CDRT4: variants seen among roughly 807,000 people sequenced by gnomAD.
The protein encoded by CDRT4 is CMT1A duplicated region transcript 4 protein.
For synonymous variants in CDRT4, 64 were observed against 69.6 expected, an observed-to-expected ratio of 0.92 and a Z score of 0.40; for missense variants, 167 against 193.1, an observed-to-expected ratio of 0.87 and a Z score of 0.80.
At chr17:15,446,540 C>T (rs1979035715) in intron 2 of CDRT4, among the ~76,000 whole-genome samples, 1 of 152,112 alleles carries the variant, frequency 6.6e-6, no homozygotes, top group African/African-American at 2.4e-5. Flanking sequence ...ACACGTCTTC[C>T]TCTCTAGCGC....
At chr17:15,443,358 C>T in intron 2 of CDRT4, among the ~76,000 whole-genome samples, 1 of 151,382 alleles carries the variant, frequency 6.6e-6, no homozygotes, top group East Asian at 1.9e-4. Context: ...TAGCTCACCG[C>T]AGCCTTGAAC....
At chr17:15,447,943 G>A (rs2150790052) in intron 2 of CDRT4, among the ~76,000 whole-genome samples, 1 of 152,262 alleles carries the variant, frequency 6.6e-6, no homozygotes, top group Non-Finnish European at 1.5e-5. Flanking sequence ...AAGCAAACAT[G>A]AAAGGCTTTA....
At chr17:15,457,263 T>A (rs1484453421) in intron 1 of CDRT4, among the ~76,000 whole-genome samples, 1 of 152,230 alleles carries the variant, frequency 6.6e-6, no homozygotes, top group Non-Finnish European at 1.5e-5. Context: ...GCCCGACTTC[T>A]GGGTTTGTAC....
intron 1 of CDRT4, among the ~76,000 whole-genome samples, chr17:15,465,130 CAG>C (rs1979951466): frequency 9.4e-6 from 1 of 105,952 alleles, no homozygotes; most frequent in Non-Finnish European, 1.7e-5. Context: ...CACCAACACA[CAG>C]ATACAAACAC....
At chr17:15,463,272 C>A (rs898486823) in intron 1 of CDRT4, among the ~76,000 whole-genome samples, 1 of 151,924 alleles carries the variant, frequency 6.6e-6, no homozygotes, top group Non-Finnish European at 1.5e-5. Context: ...GGGTGGAGAA[C>A]GCAAAGCCTG....
At chr17:15,454,094 G>A (rs150657546) in intron 1 of CDRT4, among the ~76,000 whole-genome samples, 5 of 152,280 alleles carry the variant, frequency 3.3e-5, no homozygotes, top group South Asian at 4.2e-4. Flanking sequence ...GAGTCACTAC[G>A]TTGAAGATCA....
chr17:15,442,232 G>A (rs989892946), intron 2 of CDRT4, among the ~76,000 whole-genome samples: 1 of 152,042 alleles, frequency 6.6e-6, no homozygotes, highest in Admixed American at 6.6e-5. Context: ...CTAACATGGT[G>A]AAACCCTGTC....
At position 15,437,768 on chromosome 17, in the gene CDRT4, G is replaced by A; in HGVS notation, c.*5C>T. ...CTAAAACATTTGCATGTTTCTCCTTGTTGGTCAGTAGCGAACTGTAGGGAG... is the reference window on the plus strand; with the variant it reads ...CTAAAACATTTGCATGTTTCTCCTTATTGGTCAGTAGCGAACTGTAGGGAG... On this transcript the variant is annotated 3_prime_UTR_variant, in exon 4 of 4. Transcript: ENST00000619038. The A allele has an allele frequency of 6.2e-7, 1 of 1,609,744 alleles. No homozygotes were observed. Among genetic ancestry groups the A allele is most frequent in the Non-Finnish European group, 8.5e-7 (1 of 1,176,386 alleles).
intron 1 of CDRT4, among the ~76,000 whole-genome samples, chr17:15,465,798 G>C (rs1392938930): frequency 6.6e-6 from 1 of 152,236 alleles, no homozygotes; most frequent in African/African-American, 2.4e-5. Context: ...TGTGGTCAGG[G>C]AAGAGGGGGA....
chr17:15,442,533 C>T (rs1978815067), intron 2 of CDRT4, among the ~76,000 whole-genome samples: 1 of 152,112 alleles, frequency 6.6e-6, no homozygotes, highest in Admixed American at 6.6e-5. Flanking sequence ...TCATTCCTTT[C>T]ATCATTGCTT....
intron 3 of CDRT4, 33 bp downstream of exon 3, chr17:15,440,175 A>T (rs1174103229): frequency 6.2e-7 from 1 of 1,612,476 alleles, no homozygotes; most frequent in Non-Finnish European, 8.5e-7. Flanking sequence ...GCCCCAGTGC[A>T]GGAGCTTCCA....
chr17:15,440,581 G>A (rs2059988444), intron 2 of CDRT4, among the ~76,000 whole-genome samples: 2 of 152,054 alleles, frequency 1.3e-5, no homozygotes. Flanking sequence ...TGGGGGCTGT[G>A]TGGAGGCTGG....
At chr17:15,446,483 G>A (rs1382452446) in intron 2 of CDRT4, among the ~76,000 whole-genome samples, 4 of 151,968 alleles carry the variant, frequency 2.6e-5, no homozygotes, top group East Asian at 3.8e-4. Flanking sequence ...TTGGTCTTTC[G>A]GGAAAGAAGG....
At chr17:15,439,281 A>C in intron 3 of CDRT4, 1 of 421,180 alleles carries the variant, frequency 2.4e-6, no homozygotes, top group Non-Finnish European at 4.7e-6. Context: ...GTTAAAAAAA[A>C]AAATGCCGTA....
At chr17:15,463,016 G>A (rs1979827113) in intron 1 of CDRT4, among the ~76,000 whole-genome samples, 1 of 152,080 alleles carries the variant, frequency 6.6e-6, no homozygotes, top group Non-Finnish European at 1.5e-5. Context: ...AGGAGATGGG[G>A]GTGGGAGGAG....
intron 2 of CDRT4, among the ~76,000 whole-genome samples, chr17:15,446,097 CA>C (rs747651873): frequency 5.9e-5 from 9 of 152,156 alleles, no homozygotes; most frequent in Non-Finnish European, 1.0e-4. Flanking sequence ...TGCTCCTGAG[CA>C]AGGATCCACT....
At chr17:15,457,194 C>A (rs1237418646) in intron 1 of CDRT4, among the ~76,000 whole-genome samples, 2 of 152,182 alleles carry the variant, frequency 1.3e-5, no homozygotes, top group Admixed American at 1.3e-4. Context: ...GCACAGCAGT[C>A]CCCAGGAAAT....
rs750254277 is a variant in CDRT4, at chr17:15,438,063, C to A, written c.169G>T (p.Ala57Ser). ...GATGCCCAGGGTCTTTCCTCGAGGG[C>A]ACGCATGCATTCCAGTTCTCTAGTT... ...SKTRELECMRALEERPWASRQ... is the reference protein window; with the variant it reads ...SKTRELECMRSLEERPWASRQ... The change falls in exon 4 of 4, where the codon GCC becomes TCC. Residue 57 changes from alanine (A) to serine (S), a missense_variant. Coordinates refer to ENST00000619038, the MANE Select transcript of CDRT4 (RefSeq NM_001204477.2). 3.1e-6 allele frequency: 5 copies of A among 1,614,156 alleles called. No homozygotes were observed. Among genetic ancestry groups the A allele is most frequent in the Non-Finnish European group, 4.2e-6 (5 of 1,180,040 alleles).
intron 1 of CDRT4, among the ~76,000 whole-genome samples, chr17:15,454,767 C>G (rs116036458): frequency 6.6e-6 from 1 of 152,142 alleles, no homozygotes. Flanking sequence ...GGAGAACTCA[C>G]GTTGAAACCC....
Sources: gnomAD v4.1 joint callset for allele counts (sites outside exome capture counted in the v4.1 genomes callset) on GRCh38, gnomAD v4.1.1 for gene constraint, MANE v1.5 for transcripts, NCBI Gene and HGNC (gene_info 2026-07-23, HGNC 2026-07-21) for gene names.